PEAK1: variants seen among roughly 807,000 people sequenced by gnomAD.
PEAK1 encodes the protein inactive tyrosine-protein kinase PEAK1.
In PEAK1, 54 loss-of-function variants were observed where a neutral mutation model predicts 124.7. The ratio of observed to expected loss-of-function variants is 0.43; its 90% CI spans 0.35 to 0.54. The LOEUF is 0.54. Among genes scored for constraint, PEAK1 ranks in the 20% least tolerant of loss-of-function variants. The pLI, the probability that PEAK1 is intolerant of heterozygous loss-of-function variation, is 0.01. For synonymous variants in PEAK1, 719 were observed against 760.0 expected (o/e 0.95, Z 0.89); for missense variants, 2,046 against 2,134.5 (o/e 0.96, Z 0.82).
chr15:77,191,992 C>A lies in PEAK1; in HGVS notation c.-114-9952G>T, dbSNP rs556340584. 2.8e-4 allele frequency among the ~76,000 whole-genome samples: 42 copies of A among 152,288 alleles called. No individual in the cohort carries two copies. In the Middle Eastern group the frequency reaches 0.014, roughly 49 times the overall value. On this transcript the variant is annotated intron_variant, in intron 6 of 9. Transcript: ENST00000682557. ...ACTGAAATGTGGACAATCAAGCTAG[C>A]ACCAACTGCACTACTTTAACTGTAG...
At position 77,164,719 on chromosome 15, in the gene PEAK1, C is replaced by A. The variant is rs141551848; in HGVS notation, c.3138-6023G>T. 4.4e-3 allele frequency among the ~76,000 whole-genome samples: 673 copies of A among 152,238 alleles called. 4 individuals are homozygous for A. Among genetic ancestry groups the A allele is most frequent in the African/African-American group, 0.015 (622 of 41,544 alleles). The stretch of plus-strand genomic sequence containing the variant: ...AGCAATAAAATATGGTTGCCATTCT[C>A]AATAAGAATAACATTCTCAATAACA... On this transcript the variant is annotated intron_variant, in intron 7 of 9. Coordinates refer to ENST00000682557, the MANE Select transcript of PEAK1 (RefSeq NM_001385026.1).
Position 77,115,054 on chromosome 15 carries a change from T to C in PEAK1, c.4343A>G (p.Gln1448Arg). Reference protein sequence around the residue: ...SEAASSQKENQGVMSKKQRSH... With the variant: ...SEAASSQKENRGVMSKKQRSH... ...CCTCTGCTTCTTGCTCATGACTCCC[T>C]GATTCTCTTTCTGGGATGATGCTGC... The change falls in exon 10 of 10, where the codon CAG becomes CGG. Residue 1448 changes from glutamine to arginine, a missense_variant. By Grantham distance (43) the Gln-to-Arg change is conservative. Transcript: ENST00000682557. The C allele has an allele frequency of 1.2e-5, 20 of 1,614,158 alleles. No homozygotes were observed. The highest frequency in any genetic ancestry group is 2.2e-5 in the East Asian group (1 of 44,870).
chr15:77,367,467 GA>G (rs1206480459), intron 1 of PEAK1, among the ~76,000 whole-genome samples: 1 of 152,072 alleles, frequency 6.6e-6, no homozygotes, highest in Non-Finnish European at 1.5e-5. Flanking sequence ...TTGTCAACAG[GA>G]TATACACATT....
At chr15:77,195,555 T>C (rs1448596495) in intron 6 of PEAK1, among the ~76,000 whole-genome samples, 1 of 152,222 alleles carries the variant, frequency 6.6e-6, no homozygotes, top group Non-Finnish European at 1.5e-5. Context: ...AGCTCTTCTT[T>C]CATTTTCCCC....
intron 2 of PEAK1, chr15:77,333,318 T>C: frequency 1.0e-6 from 1 of 979,248 alleles, no homozygotes; most frequent in Non-Finnish European, 1.2e-6. Flanking sequence ...TTTGTTTAAT[T>C]TTGCATTTAG....
rs2057142822 is a variant in PEAK1 at position 77,179,957 on chromosome 15, G to GT, written c.1969dup (p.Thr657AsnfsTer10). On this transcript the variant is annotated frameshift_variant, in exon 7 of 10. Transcript: ENST00000682557. LOFTEE classifies it high-confidence loss of function. ...ATAAGTATGGCTTATTACACTTGTG[G>GT]TTTTTTCCTTCACTGAGAGTTCTCC... 2 of 1,614,024 alleles carry GT rather than the reference G, an allele frequency of 1.2e-6. No individual in the cohort carries two copies. Among genetic ancestry groups the GT allele is most frequent in the Non-Finnish European group, 1.7e-6 (2 of 1,179,944 alleles).
intron 2 of PEAK1, among the ~76,000 whole-genome samples, chr15:77,340,954 C>CTT (rs530345918): frequency 3.5e-5 from 5 of 143,116 alleles, no homozygotes; most frequent in African/African-American, 5.1e-5. Context: ...ACAATTATAG[C>CTT]TTTTTTTTTT....
intron 8 of PEAK1, among the ~76,000 whole-genome samples, chr15:77,148,611 T>G (rs773984803): frequency 3.9e-5 from 6 of 152,136 alleles, no homozygotes; most frequent in Non-Finnish European, 7.4e-5. Context: ...GGCTACCATA[T>G]CTAACATATT....
In PEAK1 at chr15:77,110,191, C is replaced by G. The variant is rs2050902619; in HGVS notation, c.*3965G>C. On this transcript the variant is annotated 3_prime_UTR_variant, in exon 10 of 10. Transcript: ENST00000682557. ...CACTGCAACCTTTGCCTCCTGGGTTCAAGAGATTCTCTTGCCTCAGCCTCC... is the reference window on the plus strand; with the variant it reads ...CACTGCAACCTTTGCCTCCTGGGTTGAAGAGATTCTCTTGCCTCAGCCTCC... The G allele has an allele frequency of 6.6e-6, 1 of 152,126 alleles. No individual in the cohort carries two copies. The highest frequency in any genetic ancestry group is 1.5e-5 in the Non-Finnish European group (1 of 68,038). The allele number at this position is 152,126 out of a possible 1,614,324, so 9.4% of individuals were successfully genotyped here. A position where few individuals can be genotyped will look rare whatever the true frequency, so the allele number is the denominator to read the frequency against.
chr15:77,346,083 CGACTAT>C, intron 2 of PEAK1: 1 of 985,400 alleles, frequency 1.0e-6, no homozygotes, highest in Non-Finnish European at 1.2e-6. Context: ...GAAGGCACAA[CGACTAT>C]GCCATAAACC....
At chr15:77,332,158 CT>C (rs745350296) in intron 2 of PEAK1, 84 of 946,384 alleles carry the variant, frequency 8.9e-5, no homozygotes, top group Non-Finnish European at 1.0e-4. Context: ...AAATAAGTTG[CT>C]TTAGAGAATA....
intron 6 of PEAK1, among the ~76,000 whole-genome samples, chr15:77,192,191 A>G (rs1242506972): frequency 6.6e-6 from 1 of 152,248 alleles, no homozygotes; most frequent in African/African-American, 2.4e-5. Flanking sequence ...AGTAAAGAAG[A>G]TGCAGGATGC....
At position 77,114,354 on chromosome 15, in the gene PEAK1, G is replaced by A. The variant is rs374121790; in HGVS notation, c.5043C>T (p.Cys1681=). 1 of 1,614,216 alleles carries A rather than the reference G, an allele frequency of 6.2e-7. No homozygotes were observed. Among genetic ancestry groups the A allele is most frequent in the South Asian group, 1.1e-5 (1 of 91,080 alleles). The part of the protein sequence containing the change: ...REDLFQTFTA[C]PSLVQRNTLL... Reference sequence around the variant, plus strand: ...GGGTGTTCCTCTGTACTAGGCTAGGGCAGGCGGTGAAAGTCTGGAAGAGAT... The same window carrying A: ...GGGTGTTCCTCTGTACTAGGCTAGGACAGGCGGTGAAAGTCTGGAAGAGAT... Residue 1681 remains cysteine (C), a synonymous_variant, in exon 10 of 10, where the codon TGC becomes TGT. Transcript: ENST00000682557.
chr15:77,343,568 C>G (rs546263628), intron 2 of PEAK1, among the ~76,000 whole-genome samples: 67 of 150,302 alleles, frequency 4.5e-4, no homozygotes, highest in African/African-American at 1.6e-3. Context: ...CTTACTGCAA[C>G]GTCCACCCCC....
At chr15:77,360,083 A>G (rs540028539) in intron 2 of PEAK1, among the ~76,000 whole-genome samples, 84 of 152,338 alleles carry the variant, frequency 5.5e-4, no homozygotes, top group African/African-American at 1.9e-3. Flanking sequence ...AAATCAATGG[A>G]ACAGAATTGA....
intron 2 of PEAK1, among the ~76,000 whole-genome samples, chr15:77,308,349 T>A (rs146978200): frequency 6.6e-6 from 1 of 152,110 alleles, no homozygotes; most frequent in Non-Finnish European, 1.5e-5. Flanking sequence ...TCCATGCCCA[T>A]GTAGGCGTTT....
At chr15:77,270,455 A>C (rs1207782221) in intron 5 of PEAK1, among the ~76,000 whole-genome samples, 3 of 152,214 alleles carry the variant, frequency 2.0e-5, no homozygotes, top group Non-Finnish European at 4.4e-5. Flanking sequence ...TCAATGTGCA[A>C]AAATCATAAG....
chr15:77,286,065 C>G (rs1306568854), intron 3 of PEAK1, among the ~76,000 whole-genome samples: 2 of 152,140 alleles, frequency 1.3e-5, no homozygotes, highest in East Asian at 3.8e-4. Flanking sequence ...TCTTTGTTCT[C>G]AAAGACCATT....
chr15:77,247,630 C>T (rs1382148050), intron 6 of PEAK1, among the ~76,000 whole-genome samples: 8 of 151,516 alleles, frequency 5.3e-5, no homozygotes, highest in African/African-American at 9.7e-5. Context: ...TGTGTGCCAC[C>T]GCACCTGGCT....
Sources: allele counts gnomAD v4.1 joint callset (sites outside exome capture counted in the v4.1 genomes callset), GRCh38; gene constraint gnomAD v4.1.1; transcripts MANE v1.5; gene names NCBI Gene and HGNC (gene_info 2026-07-23, HGNC 2026-07-21).